SDK1: variants seen among roughly 807,000 people sequenced by gnomAD.
SDK1 encodes the protein sidekick cell adhesion molecule 1.
Under a neutral mutation model 245.5 loss-of-function variants are expected in SDK1, and 157 were observed. That is an observed-to-expected ratio of 0.64 (90% CI 0.56 to 0.73). The LOEUF (loss-of-function observed/expected upper bound fraction) is 0.73, where lower values mean the gene tolerates loss of function less well. Ranked by LOEUF, SDK1 falls within the 30% of genes least tolerant of loss-of-function variation. The pLI is 0.00. For synonymous variants in SDK1, 1,647 were observed against 1,278.5 expected (o/e 1.29, Z -6.15); for missense variants, 3,583 against 3,002.3 (o/e 1.19, Z -4.52).
At chr7:4,131,283 G>A (rs902509750) in intron 27 of SDK1, among the ~76,000 whole-genome samples, 1 of 152,194 alleles carries the variant, frequency 6.6e-6, no homozygotes, top group African/African-American at 2.4e-5. Context: ...CTGTAGACAT[G>A]CCTTCCTCCT....
At chr7:4,229,663 G>C (rs150967204) in intron 40 of SDK1, among the ~76,000 whole-genome samples, 2 of 152,166 alleles carry the variant, frequency 1.3e-5, no homozygotes, top group African/African-American at 2.4e-5. Context: ...GAGGTGTTCA[G>C]ACCTTCTCAG....
At chr7:3,378,862 C>T (rs1305501867) in intron 1 of SDK1, among the ~76,000 whole-genome samples, 1 of 152,040 alleles carries the variant, frequency 6.6e-6, no homozygotes, top group Non-Finnish European at 1.5e-5. Context: ...GTCACTTTGT[C>T]GGCTCTGCTG....
chr7:3,862,775 A>G (rs945454637), intron 5 of SDK1, among the ~76,000 whole-genome samples: 3 of 152,104 alleles, frequency 2.0e-5, no homozygotes, highest in Admixed American at 6.6e-5. Context: ...GCCGTCCCCA[A>G]CCTTTTTGGT....
At chr7:4,047,284 A>T (rs1197943703) in intron 17 of SDK1, among the ~76,000 whole-genome samples, 1 of 152,116 alleles carries the variant, frequency 6.6e-6, no homozygotes, top group Non-Finnish European at 1.5e-5. Context: ...TGTTGATGTG[A>T]TGAATTACTT....
At chr7:3,578,463 A>G (rs866373799) in intron 1 of SDK1, among the ~76,000 whole-genome samples, 2 of 152,044 alleles carry the variant, frequency 1.3e-5, no homozygotes, top group Non-Finnish European at 2.9e-5. Context: ...AACAGAAAAC[A>G]GGATTCGAGA....
At chr7:4,165,653 C>G (rs1781457362) in intron 32 of SDK1, among the ~76,000 whole-genome samples, 1 of 152,058 alleles carries the variant, frequency 6.6e-6, no homozygotes, top group African/African-American at 2.4e-5. Flanking sequence ...CCATACCTGG[C>G]TAATTTTTGT....
intron 4 of SDK1, among the ~76,000 whole-genome samples, chr7:3,793,495 T>A (rs988229913): frequency 2.6e-5 from 4 of 152,196 alleles, no homozygotes; most frequent in African/African-American, 9.6e-5. Context: ...CCTCGTGCCT[T>A]AGATAGTCTT....
At chr7:3,441,334 A>G (rs1392749752) in intron 1 of SDK1, among the ~76,000 whole-genome samples, 1 of 152,154 alleles carries the variant, frequency 6.6e-6, no homozygotes, top group African/African-American at 2.4e-5. Context: ...TATCTCTTGC[A>G]GATAAGGAGG....
At chr7:3,820,613 G>A (rs750583650) in intron 4 of SDK1, among the ~76,000 whole-genome samples, 1 of 152,218 alleles carries the variant, frequency 6.6e-6, no homozygotes. Flanking sequence ...TAAAAATTAA[G>A]TAGTATAATG....
At chr7:3,705,769 C>T (rs1031920696) in intron 4 of SDK1, among the ~76,000 whole-genome samples, 1 of 151,824 alleles carries the variant, frequency 6.6e-6, no homozygotes, top group Non-Finnish European at 1.5e-5. Context: ...TTGCCTGATT[C>T]CTCTGGCTAG....
At chr7:3,527,181 A>C (rs568563551) in intron 1 of SDK1, among the ~76,000 whole-genome samples, 70 of 152,148 alleles carry the variant, frequency 4.6e-4, no homozygotes, top group Non-Finnish European at 8.1e-4. Flanking sequence ...AGCATAGCAA[A>C]TATTTTCCAA....
chr7:4,149,267 C>G lies in SDK1; in HGVS notation c.4429C>G (p.Pro1477Ala). 3 of 1,520,664 alleles carry G rather than the reference C, an allele frequency of 2.0e-6. No homozygotes were observed. Among genetic ancestry groups the G allele is most frequent in the Non-Finnish European group, 2.6e-6 (3 of 1,134,724 alleles). The allele number at this position is 1,520,664 out of a possible 1,614,324, so 94.2% of individuals were successfully genotyped here. The change falls in exon 30 of 45, where the codon CCG becomes GCG. Residue 1477 changes from proline to alanine, a missense_variant. Pro to Ala is a conservative substitution (Grantham distance 27). Transcript: ENST00000404826. ...CTGTCCTCATTTGGTTGCAGAGCGG[C>G]CGGCACCCCCCAGAGAGCTCCTGGT... is the stretch of plus-strand genomic sequence containing the variant. ...TVITTEKRER[P>A]APPRELLVPQ...
chr7:3,505,797 C>T (rs989285841), intron 1 of SDK1, among the ~76,000 whole-genome samples: 3 of 152,218 alleles, frequency 2.0e-5, no homozygotes, highest in East Asian at 1.9e-4. Context: ...TATGCACATT[C>T]TGCAGGGACA....
intron 1 of SDK1, among the ~76,000 whole-genome samples, chr7:3,599,270 C>G (rs1170930516): frequency 6.6e-6 from 1 of 151,974 alleles, no homozygotes; most frequent in African/African-American, 2.4e-5. Flanking sequence ...TGTAGATTCT[C>G]TTTAGTGAAA....
At chr7:3,807,641 C>CAAAAAA (rs1458695812) in intron 4 of SDK1, among the ~76,000 whole-genome samples, 1 of 152,090 alleles carries the variant, frequency 6.6e-6, no homozygotes. Flanking sequence ...AACCTCACAA[C>CAAAAAA]AAAGGTTTGC....
rs183549772 is a variant in SDK1 at position 3,616,093 on chromosome 7, G to C, written c.299-2987G>C. 4.6e-5 allele frequency among the ~76,000 whole-genome samples: 7 copies of C among 152,150 alleles called. No homozygotes were observed. The East Asian group carries it at 1.2e-3, about 25-fold the overall frequency. On this transcript the variant is annotated intron_variant, in intron 1 of 44. Coordinates refer to ENST00000404826, the MANE Select transcript of SDK1 (RefSeq NM_152744.4). ...TGTGGAGATGGGGTCTCACTGTGTT[G>C]TCCAAGCTGGTCTTGCACTCGAGCT... is the stretch of plus-strand genomic sequence containing the variant.
In SDK1 at chr7:3,980,055, T is replaced by C. The variant is rs181536732; in HGVS notation, c.1994+5510T>C. ...TTTAATACTGTTTCCCCCAGAGTTATCAAGCCCTGTCATCTTCATCCTCAG... is the reference window on the plus strand; with the variant it reads ...TTTAATACTGTTTCCCCCAGAGTTACCAAGCCCTGTCATCTTCATCCTCAG... On this transcript the variant is annotated intron_variant, in intron 13 of 44. Transcript: ENST00000404826. 3.0e-4 allele frequency among the ~76,000 whole-genome samples: 46 copies of C among 152,308 alleles called. 1 individual carries two copies. Among genetic ancestry groups the C allele is most frequent in the African/African-American group, 8.9e-4 (37 of 41,564 alleles).
chr7:4,257,562 G>A (rs955301760), intron 44 of SDK1, among the ~76,000 whole-genome samples: 1 of 152,192 alleles, frequency 6.6e-6, no homozygotes, highest in South Asian at 2.1e-4. Flanking sequence ...GGGCTGAGCA[G>A]GAGCCAGGAA....
intron 14 of SDK1, among the ~76,000 whole-genome samples, chr7:3,991,811 T>C (rs1030577019): frequency 3.3e-4 from 50 of 152,236 alleles, no homozygotes; most frequent in African/African-American, 1.1e-3. Flanking sequence ...ACCAGCTGGT[T>C]GGTCCGTGTC....
Sources: gnomAD v4.1 joint callset for allele counts (sites outside exome capture counted in the v4.1 genomes callset) on GRCh38, gnomAD v4.1.1 for gene constraint, MANE v1.5 for transcripts, NCBI Gene and HGNC (gene_info 2026-07-23, HGNC 2026-07-21) for gene names.